The following BTBD9 variants were observed in gnomAD, a reference collection of about 807,000 sequenced individuals.
BTBD9 encodes the protein BTB/POZ domain-containing protein 9.
A neutral mutation model predicts 64.3 loss-of-function variants in BTBD9; 49 were observed. The observed-to-expected ratio is 0.76, with a 90% CI of 0.61 to 0.97. The LOEUF (loss-of-function observed/expected upper bound fraction) is 0.97, where lower values mean the gene tolerates loss of function less well. Among genes scored for constraint, BTBD9 ranks in the 50% least tolerant of loss-of-function variants. The probability of loss-of-function intolerance (pLI) is 0.00; values close to 1 mark genes in which losing one functional copy is unlikely to be tolerated. For missense variants in BTBD9, 598 were observed against 762.1 expected (o/e 0.78, Z 2.53); for synonymous variants, 260 against 274.7 (o/e 0.95, Z 0.53).
chr6:38,471,527 T>C (rs941626984), intron 6 of BTBD9, among the ~76,000 whole-genome samples: 14 of 152,126 alleles, frequency 9.2e-5, no homozygotes, highest in African/African-American at 3.4e-4. Context: ...CTAAGTGACT[T>C]GTACTGACTA....
intron 7 of BTBD9, among the ~76,000 whole-genome samples, chr6:38,310,285 T>A (rs571062831): frequency 6.6e-6 from 1 of 152,282 alleles, no homozygotes; most frequent in Non-Finnish European, 1.5e-5. Context: ...TGTGGGTAAA[T>A]TGGGCAAATC....
At position 38,421,608 on chromosome 6, in the gene BTBD9, T is replaced by C. The variant is rs186301938; in HGVS notation, c.1155-76515A>G. Among the ~76,000 whole-genome samples, 6 of 152,302 alleles carry C rather than the reference T, an allele frequency of 3.9e-5. No homozygotes were observed. The East Asian group carries it at 1.2e-3, about 29-fold the overall frequency. On this transcript the variant is annotated intron_variant, in intron 6 of 10. Coordinates refer to ENST00000481247, the MANE Select transcript of BTBD9 (RefSeq NM_001099272.2). ...GGATAAAAGCACATGGAGCAGCAGA[T>C]TTTAGTGGTTCATAGTAATATAGCT...
chr6:38,338,262 C>A (rs1763973095), intron 7 of BTBD9, among the ~76,000 whole-genome samples: 1 of 152,166 alleles, frequency 6.6e-6, no homozygotes, highest in African/African-American at 2.4e-5. Flanking sequence ...GATTCACATC[C>A]CTGGTGGAGC....
intron 9 of BTBD9, among the ~76,000 whole-genome samples, chr6:38,238,765 G>A (rs577225765): frequency 1.2e-4 from 18 of 152,166 alleles, no homozygotes; most frequent in Middle Eastern, 3.4e-3. Flanking sequence ...GAGCCACCGC[G>A]CCTGGCCGAG....
At chr6:38,206,608 G>A (rs1762663145) in intron 9 of BTBD9, among the ~76,000 whole-genome samples, 1 of 152,056 alleles carries the variant, frequency 6.6e-6, no homozygotes, top group Non-Finnish European at 1.5e-5. Context: ...ACATGGCTTG[G>A]CTCTGAACGA....
chr6:38,340,456 A>G (rs1436941631), intron 7 of BTBD9, among the ~76,000 whole-genome samples: 3 of 152,222 alleles, frequency 2.0e-5, no homozygotes, highest in Non-Finnish European at 4.4e-5. Flanking sequence ...TGAAGAGACT[A>G]AAGATACAAT....
chr6:38,169,333 G>T lies in BTBD9; in HGVS notation c.*5652C>A, dbSNP rs1766650712. ...GCAGCCATCAGGGGCTGTGGTGCAG[G>T]AGCAGCCACCAGGGCAGCACCAGGA... On this transcript the variant is annotated 3_prime_UTR_variant, in exon 11 of 11. Coordinates refer to ENST00000481247, the MANE Select transcript of BTBD9 (RefSeq NM_001099272.2). 1 of 152,416 alleles carries T rather than the reference G, an allele frequency of 6.6e-6. No homozygotes were observed. The highest frequency in any genetic ancestry group is 1.5e-5 in the Non-Finnish European group (1 of 68,202). The allele number at this position is 152,416 out of a possible 1,614,324, so 9.4% of individuals were successfully genotyped here. A position where few individuals can be genotyped will look rare whatever the true frequency, so the allele number is the denominator to read the frequency against.
intron 6 of BTBD9, among the ~76,000 whole-genome samples, chr6:38,403,094 G>GA (rs1767009461): frequency 7.0e-6 from 1 of 143,528 alleles, no homozygotes; most frequent in African/African-American, 2.7e-5. Flanking sequence ...AAGGGGAGGG[G>GA]AAGGGAGGGG....
At chr6:38,479,268 T>C (rs924915114) in intron 6 of BTBD9, among the ~76,000 whole-genome samples, 1 of 152,078 alleles carries the variant, frequency 6.6e-6, no homozygotes, top group Non-Finnish European at 1.5e-5. Context: ...CCCGACGGCT[T>C]CCCACCCACT....
chr6:38,173,180 G>C lies in BTBD9; in HGVS notation c.*1805C>G, dbSNP rs1766864091. ...GTGCTGTGTGTGCAGGAGCTCTCTG[G>C]CTAATTGGCAACCCGGGGCTGGGGG... On this transcript the variant is annotated 3_prime_UTR_variant, in exon 11 of 11. Coordinates refer to ENST00000481247, the MANE Select transcript of BTBD9 (RefSeq NM_001099272.2). 2 of 152,456 alleles carry C rather than the reference G, an allele frequency of 1.3e-5. No homozygotes were observed. Among genetic ancestry groups the C allele is most frequent in the South Asian group, 4.1e-4 (2 of 4,828 alleles). 9.4% of individuals were successfully genotyped at this position (152,456 alleles called of 1,614,324 possible). A position where few individuals can be genotyped will look rare whatever the true frequency, so the allele number is the denominator to read the frequency against.
intron 6 of BTBD9, among the ~76,000 whole-genome samples, chr6:38,545,648 G>A (rs560599057): frequency 5.1e-4 from 77 of 151,450 alleles, no homozygotes; most frequent in South Asian, 1.7e-3. Flanking sequence ...GCGTGGTGGC[G>A]GGCACCTGTA....
At chr6:38,288,693 A>G (rs939348693) in intron 7 of BTBD9, among the ~76,000 whole-genome samples, 1 of 152,210 alleles carries the variant, frequency 6.6e-6, no homozygotes, top group African/African-American at 2.4e-5. Flanking sequence ...GCACTTTGGG[A>G]GGCTGAGGTG....
At position 38,328,968 on chromosome 6, in the gene BTBD9, A is replaced by ATGTGTGTGTGTG. The variant is rs70981541; in HGVS notation, c.1264+16004_1264+16015dup. Among the ~76,000 whole-genome samples, 31 of 127,376 alleles carry ATGTGTGTGTGTG rather than the reference A, an allele frequency of 2.4e-4. 1 individual carries two copies. Among genetic ancestry groups the ATGTGTGTGTGTG allele is most frequent in the East Asian group, 7.0e-4 (3 of 4,300 alleles). 83.6% of individuals were successfully genotyped at this position (127,376 alleles called of 152,430 possible). ...TCTCAAAAAAAAAAAGAAAGAAAAT[A>ATGTGTGTGTGTG]TGTGTGTGTGTGTGTGTGTGTGTGT... On this transcript the variant is annotated intron_variant, in intron 7 of 10. Coordinates refer to ENST00000481247, the MANE Select transcript of BTBD9 (RefSeq NM_001099272.2).
chr6:38,421,927 C>T (rs1258980961), intron 6 of BTBD9, among the ~76,000 whole-genome samples: 2 of 152,172 alleles, frequency 1.3e-5, no homozygotes, highest in African/African-American at 4.8e-5. Context: ...TGATCAGTTA[C>T]TCTTGGATTC....
At chr6:38,575,780 T>C (rs1259955449) in intron 6 of BTBD9, among the ~76,000 whole-genome samples, 4 of 152,162 alleles carry the variant, frequency 2.6e-5, no homozygotes, top group African/African-American at 9.7e-5. Flanking sequence ...AACATCACTG[T>C]TGCTCATTTT....
At chr6:38,536,053 A>G (rs541004981) in intron 6 of BTBD9, among the ~76,000 whole-genome samples, 24 of 152,150 alleles carry the variant, frequency 1.6e-4, no homozygotes, top group African/African-American at 5.8e-4. Flanking sequence ...CAAAGTGAAG[A>G]AACAACTCAC....
intron 6 of BTBD9, among the ~76,000 whole-genome samples, chr6:38,388,948 A>G (rs1290385648): frequency 6.6e-6 from 1 of 152,226 alleles, no homozygotes; most frequent in Non-Finnish European, 1.5e-5. Context: ...CAGGTTTTAT[A>G]CTAGCAAGAG....
At chr6:38,506,102 A>G (rs1423014997) in intron 6 of BTBD9, among the ~76,000 whole-genome samples, 1 of 151,946 alleles carries the variant, frequency 6.6e-6, no homozygotes, top group Non-Finnish European at 1.5e-5. Flanking sequence ...AAAACCAGAC[A>G]CCAAAGTTCT....
chr6:38,496,671 AAGAG>A (rs912454718), intron 6 of BTBD9, among the ~76,000 whole-genome samples: 8 of 150,980 alleles, frequency 5.3e-5, no homozygotes, highest in African/African-American at 2.0e-4. Flanking sequence ...AAAAAAAAAA[AAGAG>A]AGAGAGAGAT....
Sources: gnomAD v4.1 joint callset for allele counts (sites outside exome capture counted in the v4.1 genomes callset) on GRCh38, gnomAD v4.1.1 for gene constraint, MANE v1.5 for transcripts, NCBI Gene and HGNC (gene_info 2026-07-23, HGNC 2026-07-21) for gene names.